The following UBAP1 variants were observed in gnomAD, a reference collection of about 807,000 sequenced individuals.
The protein encoded by UBAP1 is ubiquitin-associated protein 1.
Under a neutral mutation model 39.0 loss-of-function variants are expected in UBAP1, and 5 were observed. The observed-to-expected ratio is 0.13, with a 90% CI of 0.07 to 0.27. UBAP1 has a LOEUF of 0.27. UBAP1 is among the 10% of genes least tolerant of loss of function. The probability of loss-of-function intolerance (pLI) is 1.00; values close to 1 mark genes in which losing one functional copy is unlikely to be tolerated. For missense variants in UBAP1, 490 were observed against 608.1 expected (o/e 0.81, Z 2.04); for synonymous variants, 211 against 225.1 (o/e 0.94, Z 0.56).
At chr9:34,202,624 C>CCTGTGTGTGTGTGTGTGTGTGT (rs1491103579) in intron 1 of UBAP1, among the ~76,000 whole-genome samples, 2,298 of 107,178 alleles carry the variant, frequency 0.021, 418 homozygotes, top group East Asian at 0.05. Context: ...TAGACAGAAA[C>CCTGTGTGTGTGTGTGTGTGTGT]GTGTGTGTGT....
At chr9:34,182,375 G>A (rs1830092048) in intron 1 of UBAP1, among the ~76,000 whole-genome samples, 1 of 151,556 alleles carries the variant, frequency 6.6e-6, no homozygotes, top group African/African-American at 2.4e-5. Flanking sequence ...AGTAGCGACG[G>A]GGTTTCACAA....
intron 1 of UBAP1, among the ~76,000 whole-genome samples, chr9:34,179,828 A>G (rs1022131949): frequency 2.0e-5 from 3 of 152,144 alleles, no homozygotes; most frequent in African/African-American, 7.2e-5. Context: ...GAACCGCCCC[A>G]GTCTTTCTTG....
At chr9:34,217,233 G>A (rs1038832386) in intron 1 of UBAP1, among the ~76,000 whole-genome samples, 11 of 152,080 alleles carry the variant, frequency 7.2e-5, no homozygotes, top group Non-Finnish European at 1.0e-4. Flanking sequence ...TAGGCAGATA[G>A]CATAGGTGAT....
intron 1 of UBAP1, among the ~76,000 whole-genome samples, chr9:34,216,499 AT>A (rs913782831): frequency 2.0e-5 from 3 of 151,356 alleles, no homozygotes; most frequent in Admixed American, 6.6e-5. Context: ...TTTATTTTAA[AT>A]TTTTTTTAGA....
Position 34,211,851 on chromosome 9 carries a change from C to A in UBAP1, c.-7-9057C>A, listed in dbSNP as rs73645577. ...TTAGATTTATTCTTTGTTCTTTTTT[C>A]TGATGTCTTTAACCAGTAATTCAGA... On this transcript the variant is annotated intron_variant, in intron 1 of 6. Transcript: ENST00000297661. 9.2e-3 allele frequency: 1,647 copies of A among 179,976 alleles called. 23 individuals carry two copies. The highest frequency in any genetic ancestry group is 0.032 in the African/African-American group (1,335 of 41,944). 11.1% of individuals were successfully genotyped at this position (179,976 alleles called of 1,614,324 possible).
intron 2 of UBAP1, 146 bp downstream of exon 2, chr9:34,221,094 A>C (rs977638363): frequency 2.9e-6 from 2 of 695,624 alleles, no homozygotes; most frequent in South Asian, 1.8e-5. Flanking sequence ...CAATGTATCA[A>C]GTATATCTGA....
chr9:34,214,391 G>A (rs977405068), intron 1 of UBAP1, among the ~76,000 whole-genome samples: 11 of 152,034 alleles, frequency 7.2e-5, no homozygotes, highest in African/African-American at 2.4e-4. Context: ...ATTGATCTTC[G>A]ACAAAGCAAA....
chr9:34,203,865 G>GT (rs1338792342), intron 1 of UBAP1, among the ~76,000 whole-genome samples: 3 of 152,170 alleles, frequency 2.0e-5, no homozygotes, highest in African/African-American at 7.2e-5. Flanking sequence ...GAACAAGGCT[G>GT]TATTATTTCT....
chr9:34,239,625 G>A (rs1242524809), intron 3 of UBAP1, among the ~76,000 whole-genome samples: 1 of 152,116 alleles, frequency 6.6e-6, no homozygotes. Context: ...AACATCCTCT[G>A]GTGTCACTCA....
chr9:34,224,647 A>T (rs1832954154), intron 2 of UBAP1: 1 of 349,148 alleles, frequency 2.9e-6, no homozygotes. Context: ...GCTGGCTGGA[A>T]AGAGCTAGTT....
chr9:34,221,587 T>G (rs929867139), intron 2 of UBAP1, among the ~76,000 whole-genome samples: 5 of 151,944 alleles, frequency 3.3e-5, no homozygotes, highest in African/African-American at 1.2e-4. Flanking sequence ...GTCATAGCTC[T>G]TCTCCATATG....
chr9:34,212,460 AAAAAT>A (rs1217251741), intron 1 of UBAP1, among the ~76,000 whole-genome samples: 1 of 151,104 alleles, frequency 6.6e-6, no homozygotes, highest in Non-Finnish European at 1.5e-5. Flanking sequence ...TATGCTTTTT[AAAAAT>A]AAAATAATTT....
intron 1 of UBAP1, among the ~76,000 whole-genome samples, chr9:34,181,311 T>C (rs545904664): frequency 2.7e-5 from 4 of 150,656 alleles, no homozygotes; most frequent in African/African-American, 9.8e-5. Flanking sequence ...AGAGACGGGG[T>C]TTCACCGTGT....
chr9:34,245,703 CTGTG>C (rs1834145145), intron 4 of UBAP1, among the ~76,000 whole-genome samples: 1 of 81,350 alleles, frequency 1.2e-5, no homozygotes, highest in Non-Finnish European at 2.5e-5. Context: ...TGATCACTGA[CTGTG>C]TGTATCTTTG....
At chr9:34,216,739 TG>T (rs1190961301) in intron 1 of UBAP1, among the ~76,000 whole-genome samples, 2 of 143,880 alleles carry the variant, frequency 1.4e-5, no homozygotes, top group Non-Finnish European at 3.0e-5. Flanking sequence ...CTTTGCCTCC[TG>T]GGCTCAAGCC....
At chr9:34,210,138 A>G (rs1043891752) in intron 1 of UBAP1, among the ~76,000 whole-genome samples, 1 of 152,206 alleles carries the variant, frequency 6.6e-6, no homozygotes, top group Admixed American at 6.5e-5. Context: ...AGAAAAGCTT[A>G]CTGGAGCTAT....
At chr9:34,186,881 G>GTTTGTGT (rs1554645593) in intron 1 of UBAP1, among the ~76,000 whole-genome samples, 22 of 151,800 alleles carry the variant, frequency 1.4e-4, no homozygotes, top group African/African-American at 5.3e-4. Context: ...GTCTTTCATG[G>GTTTGTGT]TTTGTGTTTT....
In UBAP1 at chr9:34,241,280, A is replaced by C. The variant is rs759178118; in HGVS notation, c.255A>C (p.Glu85Asp). The C allele has an allele frequency of 6.6e-7, 1 of 1,506,862 alleles. No individual in the cohort carries two copies. The allele number at this position is 1,506,862 out of a possible 1,614,324, so 93.3% of individuals were successfully genotyped here. The part of the protein sequence containing the change: ...AEREAECKIA[E>D]AEAKVNSKSG... ...GGGAAGCAGAGTGCAAAATTGCGGA[A>C]GCAGAAGCTAAAGTGAATTCTAAGA... Residue 85 changes from glutamate to aspartate, a missense_variant, in exon 4 of 7, where the codon GAA becomes GAC. Physicochemically the swap from Glu to Asp is conservative, Grantham distance 45 (BLOSUM62 2). Around this residue, in one of 3 missense-constraint regions of UBAP1, gnomAD observed 144 missense variants for 184.4 expected, o/e 0.78. Transcript: ENST00000297661.
chr9:34,218,897 C>T (rs953752373), intron 1 of UBAP1, among the ~76,000 whole-genome samples: 1 of 152,156 alleles, frequency 6.6e-6, no homozygotes, highest in Non-Finnish European at 1.5e-5. Flanking sequence ...TGTGCCACTG[C>T]ACTCCAGCCT....
Sources: allele counts gnomAD v4.1 joint callset (sites outside exome capture counted in the v4.1 genomes callset), GRCh38; gene constraint gnomAD v4.1.1; regional missense constraint gnomAD v4.1.1; transcripts MANE v1.5; gene names NCBI Gene and HGNC (gene_info 2026-07-23, HGNC 2026-07-21).